Variants in STXBP4 observed in about 807,000 individuals in gnomAD.
The protein encoded by STXBP4 is syntaxin binding protein 4.
In STXBP4, 55 loss-of-function variants were observed where a neutral mutation model predicts 76.1. That is an observed-to-expected ratio of 0.72 (90% CI 0.58 to 0.91). The LOEUF is 0.91. Among genes scored for constraint, STXBP4 ranks in the 40% least tolerant of loss-of-function variants. STXBP4 has a pLI of 0.00. For missense variants in STXBP4, 618 were observed against 636.9 expected, an observed-to-expected ratio of 0.97 and a Z score of 0.32; for synonymous variants, 201 against 220.2, an observed-to-expected ratio of 0.91 and a Z score of 0.77.
At chr17:55,052,942 TGTG>T (rs2078878265) in intron 12 of STXBP4, among the ~76,000 whole-genome samples, 7 of 139,854 alleles carry the variant, frequency 5.0e-5, no homozygotes, top group Middle Eastern at 7.4e-3. Context: ...TGTGTGTGTG[TGTG>T]TGTGTGGGTT....
Position 54,999,258 on chromosome 17 carries a change from G to A in STXBP4, c.181-87G>A, listed in dbSNP as rs376650941. ...TACTCTTTTTGAAGGCATTCTTCACGAAAACTTTTCATTGCTTTAATTACA... is the reference window on the plus strand; with the variant it reads ...TACTCTTTTTGAAGGCATTCTTCACAAAAACTTTTCATTGCTTTAATTACA... On this transcript the variant is annotated intron_variant, in intron 4 of 17. Transcript: ENST00000376352. The A allele has an allele frequency of 5.0e-5, 55 of 1,111,070 alleles. 2 individuals are homozygous for A. The South Asian group carries it at 7.8e-4, about 16-fold the overall frequency. 68.8% of individuals were successfully genotyped at this position (1,111,070 alleles called of 1,614,324 possible).
In STXBP4 at chr17:55,129,260, T is replaced by TCTGGCTTCTCATTCTC. The variant is rs2079948669; in HGVS notation, c.1490-12050_1490-12049insCTGGCTTCTCATTCTC. On this transcript the variant is annotated intron_variant, in intron 16 of 17. Coordinates refer to ENST00000376352, the MANE Select transcript of STXBP4 (RefSeq NM_178509.6). The stretch of plus-strand genomic sequence containing the variant: ...TTTTTTTCTCTCTGCTCTCTCTTCT[T>TCTGGCTTCTCATTCTC]ACCTCTGGCTTCTCATTCTCCTGCC... 3.3e-5 allele frequency among the ~76,000 whole-genome samples: 5 copies of TCTGGCTTCTCATTCTC among 152,228 alleles called. No homozygotes were observed. The South Asian group carries it at 1.0e-3, about 32-fold the overall frequency.
chr17:54,987,734 G>T (rs2077647064), intron 3 of STXBP4, among the ~76,000 whole-genome samples: 1 of 152,152 alleles, frequency 6.6e-6, no homozygotes, highest in Admixed American at 6.5e-5. Context: ...CCTAGAAATG[G>T]AATTGCTGGA....
chr17:55,197,465 C>T, the STXBP4 span, among the ~76,000 whole-genome samples: 1 of 152,162 alleles, frequency 6.6e-6, no homozygotes, highest in Non-Finnish European at 1.5e-5. Context: ...GCTGAGTGGC[C>T]AGGCGCTGTG....
rs2080362127 is a variant in STXBP4 at position 55,164,229 on chromosome 17, A to C, written c.*4318A>C. On this transcript the variant is annotated 3_prime_UTR_variant, in exon 18 of 18. Transcript: ENST00000376352. The stretch of plus-strand genomic sequence containing the variant: ...GTGTGTCTGCATAATGACTTTGTAA[A>C]TATTAACTGCAATTCTGTATTTGCT... 1 of 152,180 alleles carries C rather than the reference A, an allele frequency of 6.6e-6. No individual in the cohort carries two copies. Among genetic ancestry groups the C allele is most frequent in the Non-Finnish European group, 1.5e-5 (1 of 68,048 alleles). 9.4% of individuals were successfully genotyped at this position (152,180 alleles called of 1,614,324 possible).
chr17:55,200,208 G>C, the STXBP4 span, among the ~76,000 whole-genome samples: 1 of 152,170 alleles, frequency 6.6e-6, no homozygotes, highest in Non-Finnish European at 1.5e-5. Context: ...GCTTAGCACA[G>C]TGCTTTTTAC....
At chr17:54,968,951 A>C in intron 1 of STXBP4, 136 bp downstream of exon 1, 1 of 321,510 alleles carries the variant, frequency 3.1e-6, no homozygotes, top group Non-Finnish European at 5.9e-6. Context: ...TGTGATCTTT[A>C]TTTAAACTCC....
the STXBP4 span, among the ~76,000 whole-genome samples, chr17:55,185,296 T>TCTCCTCCTCCTCCTC: frequency 1.1e-5 from 1 of 87,948 alleles, no homozygotes; most frequent in African/African-American, 4.8e-5. Context: ...TCCTTCTCCT[T>TCTCCTCCTCCTCCTC]CTCCTTCTCC....
chr17:55,149,443 T>C (rs1275905269), intron 17 of STXBP4, among the ~76,000 whole-genome samples: 2 of 152,214 alleles, frequency 1.3e-5, no homozygotes, highest in South Asian at 2.1e-4. Flanking sequence ...CTACCCTCTA[T>C]TCTTGTACAA....
intron 8 of STXBP4, 63 bp from the exon 9 acceptor site, chr17:55,031,105 A>G: frequency 2.4e-6 from 3 of 1,254,208 alleles, no homozygotes; most frequent in Non-Finnish European, 3.5e-6. Context: ...TAAAGTTTGT[A>G]ATGAAAAGTT....
At chr17:55,059,542 T>C (rs2078970660) in intron 12 of STXBP4, among the ~76,000 whole-genome samples, 4 of 152,130 alleles carry the variant, frequency 2.6e-5, no homozygotes, top group African/African-American at 9.7e-5. Flanking sequence ...GGTTCCTCAG[T>C]CAACTAGCTA....
chr17:54,979,032 T>C (rs1348776394), intron 1 of STXBP4, among the ~76,000 whole-genome samples: 3 of 152,170 alleles, frequency 2.0e-5, no homozygotes, highest in Admixed American at 6.5e-5. Context: ...TATTCTGTAA[T>C]GATACTTATG....
At chr17:55,141,125 T>C (rs1001302913) in intron 16 of STXBP4, among the ~76,000 whole-genome samples, 185 bp from the exon 17 acceptor site, 1 of 152,204 alleles carries the variant, frequency 6.6e-6, no homozygotes, top group African/African-American at 2.4e-5. Flanking sequence ...AAGACTTATT[T>C]ATTGTGTTCT....
chr17:55,155,329 A>G (rs1360564582), intron 17 of STXBP4, among the ~76,000 whole-genome samples: 1 of 152,022 alleles, frequency 6.6e-6, no homozygotes, highest in Non-Finnish European at 1.5e-5. Flanking sequence ...ATTTGTTTTC[A>G]ATTGGGATTA....
At chr17:55,019,957 T>C (rs893937781) in intron 8 of STXBP4, among the ~76,000 whole-genome samples, 5 of 152,198 alleles carry the variant, frequency 3.3e-5, no homozygotes, top group Non-Finnish European at 7.3e-5. Context: ...CTGTTATTGG[T>C]GTTCTGTATT....
intron 16 of STXBP4, among the ~76,000 whole-genome samples, chr17:55,133,252 T>A (rs1327786975): frequency 6.6e-6 from 1 of 150,880 alleles, no homozygotes; most frequent in Non-Finnish European, 1.5e-5. Context: ...ACATATGGGA[T>A]GTAAAAGAAT....
chr17:55,024,546 G>A (rs1039579976), intron 8 of STXBP4, among the ~76,000 whole-genome samples: 3 of 152,156 alleles, frequency 2.0e-5, no homozygotes, highest in Non-Finnish European at 4.4e-5. Context: ...ACTCACATTG[G>A]ATATGTAACA....
At chr17:55,030,252 C>G (rs750841343) in intron 8 of STXBP4, among the ~76,000 whole-genome samples, 1 of 152,144 alleles carries the variant, frequency 6.6e-6, no homozygotes, top group East Asian at 1.9e-4. Context: ...ATCTTTACTG[C>G]GGTACCACAT....
At chr17:55,090,346 A>G (rs1013509150) in intron 16 of STXBP4, among the ~76,000 whole-genome samples, 1 of 152,068 alleles carries the variant, frequency 6.6e-6, no homozygotes, top group Non-Finnish European at 1.5e-5. Flanking sequence ...AGTTGGCACG[A>G]CAGCTTCAGC....
Sources: gnomAD v4.1 joint callset for allele counts (sites outside exome capture counted in the v4.1 genomes callset) on GRCh38, gnomAD v4.1.1 for gene constraint, MANE v1.5 for transcripts, NCBI Gene and HGNC (gene_info 2026-07-23, HGNC 2026-07-21) for gene names.